Variants in TTC6 observed in about 807,000 individuals in gnomAD.
TTC6 encodes tetratricopeptide repeat domain 6, also known as tetratricopeptide repeat protein 6.
A neutral mutation model predicts 210.4 loss-of-function variants in TTC6; 172 were observed. That is an observed-to-expected ratio of 0.82 (90% CI 0.72 to 0.93). The LOEUF (loss-of-function observed/expected upper bound fraction) is 0.93. Ranked by LOEUF, TTC6 falls within the 40% of genes least tolerant of loss-of-function variation. The probability of loss-of-function intolerance (pLI) is 0.00; values close to 1 mark genes in which losing one functional copy is unlikely to be tolerated. For synonymous variants in TTC6, 804 were observed against 819.6 expected, an observed-to-expected ratio of 0.98 and a Z score of 0.32; for missense variants, 2,414 against 2,318.1, an observed-to-expected ratio of 1.04 and a Z score of -0.85.
At chr14:37,753,000 A>T in intron 13 of TTC6, 99 bp from the exon 16 acceptor site, 1 of 932,774 alleles carries the variant, frequency 1.1e-6, no homozygotes, top group Non-Finnish European at 1.4e-6. Flanking sequence ...TGCTTTTATT[A>T]ACCCGAAGTT....
At chr14:37,711,736 TAAC>T (rs1360966941) in intron 5 of TTC6, among the ~76,000 whole-genome samples, 1 of 152,030 alleles carries the variant, frequency 6.6e-6, no homozygotes, top group Non-Finnish European at 1.5e-5. Context: ...GGGTGACTGA[TAAC>T]AACAGTTGCA....
chr14:37,806,446 T>C, exon 22 of TTC6: 1 of 1,535,648 alleles, frequency 6.5e-7, no homozygotes, highest in Non-Finnish European at 8.7e-7. Context: ...AAAGTGAAAC[T>C]CCACAAGGAT....
chr14:37,786,212 C>T (rs1016045824), intron 14 of TTC6, among the ~76,000 whole-genome samples: 6 of 152,200 alleles, frequency 3.9e-5, no homozygotes, highest in African/African-American at 9.7e-5. Flanking sequence ...CAGCTATGCC[C>T]GGCCCACAGA....
chr14:37,622,845 GAGGCCGCCTGGC>G, exon 1 of TTC6: 1 of 1,534,264 alleles, frequency 6.5e-7, no homozygotes, highest in Non-Finnish European at 8.7e-7. Flanking sequence ...CGACGCGCGG[GAGGCCGCCTGGC>G]AGGCGCTGCT....
At chr14:37,750,902 A>G (rs2095949845) in intron 12 of TTC6, 151 bp from the exon 15 acceptor site, 1 of 456,588 alleles carries the variant, frequency 2.2e-6, no homozygotes, top group South Asian at 6.0e-5. Context: ...AAAATAAAAT[A>G]AAATAGAATA....
At chr14:37,788,684 A>G (rs560693289) in intron 15 of TTC6, among the ~76,000 whole-genome samples, 2 of 152,148 alleles carry the variant, frequency 1.3e-5, no homozygotes, top group South Asian at 2.1e-4. Context: ...TTCTGTGGCT[A>G]CTGTTCTCTC....
Position 37,659,758 on chromosome 14 carries a change from T to C in TTC6, c.940-20393T>C, listed in dbSNP as rs141409943. Among the ~76,000 whole-genome samples the C allele has an allele frequency of 3.2e-3, 488 of 152,306 alleles. 1 individual carries two copies. The highest frequency in any genetic ancestry group is 0.011 in the African/African-American group (471 of 41,576). On this transcript the variant is annotated intron_variant, in intron 1 of 30. Transcript: ENST00000553443. ...CTGGTCTCGAACTCCTGACCTCAGG[T>C]GATCCGCCCACCTTGGCCTCCCAAA... is the stretch of plus-strand genomic sequence containing the variant.
chr14:37,609,165 C>T (rs1328928128), intron 2 of TTC6, among the ~76,000 whole-genome samples: 2 of 152,046 alleles, frequency 1.3e-5, no homozygotes, highest in Non-Finnish European at 2.9e-5. Context: ...GTGCATGTAA[C>T]CCAGGCACTT....
rs889402788 is a variant in TTC6, at chr14:37,736,352, AT to A, written c.1908+353del. ...ACAGTGGGAGACTGTCTCAAAAAAA[AT>A]TTTTTTTTTTCTTAGTACTTCTTCA... On this transcript the variant is annotated intron_variant, in intron 8 of 30. Coordinates refer to ENST00000553443, the Ensembl canonical transcript of TTC6. Among the ~76,000 whole-genome samples, 29 of 150,470 alleles carry A rather than the reference AT, an allele frequency of 1.9e-4. 1 individual carries two copies. The highest frequency in any genetic ancestry group is 7.0e-3 in the Middle Eastern group (2 of 286).
At chr14:37,737,145 G>C (rs1303391651) in intron 8 of TTC6, among the ~76,000 whole-genome samples, 3 of 152,100 alleles carry the variant, frequency 2.0e-5, no homozygotes, top group African/African-American at 7.2e-5. Context: ...CTCTAGTTTA[G>C]TAGAGCTTTC....
At chr14:37,759,373 T>C (rs1025121647) in intron 14 of TTC6, among the ~76,000 whole-genome samples, 1 of 152,208 alleles carries the variant, frequency 6.6e-6, no homozygotes, top group African/African-American at 2.4e-5. Context: ...AGAAATCCAC[T>C]GTTAGTCTGA....
At chr14:37,761,254 G>A (rs2095983624) in intron 14 of TTC6, among the ~76,000 whole-genome samples, 1 of 151,832 alleles carries the variant, frequency 6.6e-6, no homozygotes, top group Non-Finnish European at 1.5e-5. Context: ...TGGGGAGGGA[G>A]GTCCCTGGCT....
Position 37,701,533 on chromosome 14 carries a change from G to A in TTC6, c.1571+7G>A. The stretch of plus-strand genomic sequence containing the variant: ...ATGAAGAACAAACAGATAGGTAAGA[G>A]TTCCACTGGTAATTTGATTTTAAGC... On this transcript the variant is annotated splice_region_variant and intron_variant, in intron 5 of 30. Transcript: ENST00000553443. 1 of 1,417,976 alleles carries A rather than the reference G, an allele frequency of 7.1e-7. No homozygotes were observed. Among genetic ancestry groups the A allele is most frequent in the Non-Finnish European group, 9.2e-7 (1 of 1,091,366 alleles). The allele number at this position is 1,417,976 out of a possible 1,614,324, so 87.8% of individuals were successfully genotyped here.
At chr14:37,793,830 A>T (rs557332572) in intron 17 of TTC6, among the ~76,000 whole-genome samples, 7 of 152,352 alleles carry the variant, frequency 4.6e-5, no homozygotes, top group African/African-American at 1.7e-4. Flanking sequence ...ACAGAGATGG[A>T]GACAAGAGTG....
intron 14 of TTC6, among the ~76,000 whole-genome samples, chr14:37,787,159 A>G (rs2096069703): frequency 1.3e-5 from 2 of 152,208 alleles, no homozygotes; most frequent in Admixed American, 6.5e-5. Flanking sequence ...GGGAATCAAT[A>G]AATAATAAAT....
At chr14:37,727,528 T>C (rs554533819) in intron 7 of TTC6, among the ~76,000 whole-genome samples, 71 of 54,736 alleles carry the variant, frequency 1.3e-3, no homozygotes, top group African/African-American at 1.8e-3. Context: ...CTCCTGACCT[T>C]GTGATCCGCC....
intron 14 of TTC6, among the ~76,000 whole-genome samples, chr14:37,771,614 C>T (rs1595234631): frequency 6.6e-6 from 1 of 152,174 alleles, no homozygotes; most frequent in East Asian, 1.9e-4. Context: ...GAGGCTTCTG[C>T]ATTCTTCACG....
At chr14:37,744,792 T>G (rs2095930962) in intron 10 of TTC6, among the ~76,000 whole-genome samples, 1 of 152,198 alleles carries the variant, frequency 6.6e-6, no homozygotes, top group Non-Finnish European at 1.5e-5. Flanking sequence ...ATCTAGTTTA[T>G]GTTCCAGAAG....
Position 37,689,915 on chromosome 14 carries a change from A to G in TTC6, c.1258-6802A>G, listed in dbSNP as rs140872407. ...CTGGTAATAGTAAGTACACAGAAAA[A>G]CAGAATATTATACCACCATAAATGT... On this transcript the variant is annotated intron_variant, in intron 3 of 30. Transcript: ENST00000553443. Among the ~76,000 whole-genome samples the G allele has an allele frequency of 3.5e-3, 536 of 152,250 alleles. 4 individuals are homozygous for G. Among genetic ancestry groups the G allele is most frequent in the African/African-American group, 0.012 (515 of 41,562 alleles).
Sources: gnomAD v4.1 joint callset for allele counts (sites outside exome capture counted in the v4.1 genomes callset) on GRCh38, gnomAD v4.1.1 for gene constraint, MANE v1.5 for transcripts, NCBI Gene and HGNC (gene_info 2026-07-23, HGNC 2026-07-21) for gene names.